EFNA5: variants seen among roughly 807,000 people sequenced by gnomAD.
EFNA5 encodes ephrin A5.
A neutral mutation model predicts 22.9 loss-of-function variants in EFNA5; 5 were observed. The observed-to-expected ratio is 0.22, with a 90% CI of 0.11 to 0.46. The LOEUF is 0.46. Ranked by LOEUF, EFNA5 falls within the 20% of genes least tolerant of loss-of-function variation. EFNA5 has a pLI of 0.99. For synonymous variants in EFNA5, 113 were observed against 112.2 expected, an observed-to-expected ratio of 1.01 and a Z score of -0.04; for missense variants, 237 against 293.3, an observed-to-expected ratio of 0.81 and a Z score of 1.40.
intron 2 of EFNA5, among the ~76,000 whole-genome samples, chr5:107,390,206 T>C (rs1176134863): frequency 6.6e-6 from 1 of 152,208 alleles, no homozygotes; most frequent in Non-Finnish European, 1.5e-5. Flanking sequence ...GTTTTCCATG[T>C]AGTAGCAAAA....
intron 1 of EFNA5, among the ~76,000 whole-genome samples, chr5:107,608,224 T>C (rs577265537): frequency 6.6e-6 from 1 of 152,308 alleles, no homozygotes; most frequent in Admixed American, 6.5e-5. Flanking sequence ...GGTGTCTTGT[T>C]TGCTGCTCAG....
intron 1 of EFNA5, among the ~76,000 whole-genome samples, chr5:107,607,062 A>G (rs932557231): frequency 4.6e-5 from 7 of 152,366 alleles, no homozygotes; most frequent in Admixed American, 4.6e-4. Context: ...AATTGAAACA[A>G]AAACATGAAT....
intron 1 of EFNA5, among the ~76,000 whole-genome samples, chr5:107,469,112 A>G (rs748729980): frequency 3.3e-5 from 5 of 152,166 alleles, no homozygotes; most frequent in Non-Finnish European, 7.3e-5. Flanking sequence ...TTGTTAAAAC[A>G]TTATTAAGAA....
chr5:107,542,418 T>C (rs1275420668), intron 1 of EFNA5, among the ~76,000 whole-genome samples: 1 of 152,142 alleles, frequency 6.6e-6, no homozygotes, highest in Non-Finnish European at 1.5e-5. Context: ...TGAAAGGATA[T>C]AGTTATTCAG....
At chr5:107,656,012 G>A (rs539600058) in intron 1 of EFNA5, among the ~76,000 whole-genome samples, 7 of 152,196 alleles carry the variant, frequency 4.6e-5, no homozygotes, top group African/African-American at 1.7e-4. Flanking sequence ...AGGATCCCAG[G>A]GACAGCCCAG....
intron 1 of EFNA5, among the ~76,000 whole-genome samples, chr5:107,499,976 G>T (rs964185676): frequency 6.6e-6 from 1 of 152,214 alleles, no homozygotes; most frequent in Non-Finnish European, 1.5e-5. Context: ...AGTGTACTGT[G>T]TGTGTTTCAA....
chr5:107,573,787 G>A (rs1375131937), intron 1 of EFNA5, among the ~76,000 whole-genome samples: 1 of 152,130 alleles, frequency 6.6e-6, no homozygotes, highest in Admixed American at 6.6e-5. Context: ...AAGAGGGGGA[G>A]AACGGAACAG....
chr5:107,593,429 C>T (rs961649422), intron 1 of EFNA5, among the ~76,000 whole-genome samples: 14 of 152,284 alleles, frequency 9.2e-5, no homozygotes, highest in African/African-American at 2.2e-4. Context: ...GCCAAGACTA[C>T]GATAGGAAAC....
At chr5:107,398,448 ATGCCAAG>A (rs1466525419) in intron 2 of EFNA5, among the ~76,000 whole-genome samples, 19 of 152,168 alleles carry the variant, frequency 1.2e-4, no homozygotes. Flanking sequence ...GGCAGGAGCC[ATGCCAAG>A]TTGTTGTGTT....
chr5:107,486,835 T>C (rs1342114267), intron 1 of EFNA5, among the ~76,000 whole-genome samples: 1 of 152,218 alleles, frequency 6.6e-6, no homozygotes, highest in Non-Finnish European at 1.5e-5. Context: ...CTGACAAATA[T>C]AGATACCAAG....
At chr5:107,637,869 C>T (rs62355657) in intron 1 of EFNA5, among the ~76,000 whole-genome samples, 14 of 138,298 alleles carry the variant, frequency 1.0e-4, no homozygotes, top group African/African-American at 1.5e-4. Flanking sequence ...TTATTTTTGA[C>T]GGAGTCTCAC....
In EFNA5 at chr5:107,379,407, T is replaced by A. The variant is rs1383309721; in HGVS notation, c.*1848A>T. On this transcript the variant is annotated 3_prime_UTR_variant, in exon 5 of 5. Transcript: ENST00000333274. ...TCCATAATGCGACCTTCTCTTTTTT[T>A]AACATATACATCTTAAAAAACAAAT... 1 of 152,164 alleles carries A rather than the reference T, an allele frequency of 6.6e-6. No homozygotes were observed. Among genetic ancestry groups the A allele is most frequent in the Non-Finnish European group, 1.5e-5 (1 of 68,032 alleles). The allele number at this position is 152,164 out of a possible 1,614,324, so 9.4% of individuals were successfully genotyped here.
chr5:107,648,897 T>C (rs1750677717), intron 1 of EFNA5, among the ~76,000 whole-genome samples: 1 of 152,178 alleles, frequency 6.6e-6, no homozygotes, highest in Non-Finnish European at 1.5e-5. Flanking sequence ...TATGTATGTA[T>C]TAGTTCCTCT....
At chr5:107,509,985 C>T (rs1747333001) in intron 1 of EFNA5, among the ~76,000 whole-genome samples, 1 of 152,188 alleles carries the variant, frequency 6.6e-6, no homozygotes, top group Admixed American at 6.5e-5. Context: ...GCAACTCCAT[C>T]TTGAATAAGG....
intron 4 of EFNA5, among the ~76,000 whole-genome samples, chr5:107,382,089 A>C (rs1364252474): frequency 6.6e-6 from 1 of 152,206 alleles, no homozygotes. Context: ...TTGGCACATA[A>C]ATTATCAGCG....
At chr5:107,598,575 C>G (rs1017622612) in intron 1 of EFNA5, among the ~76,000 whole-genome samples, 6 of 152,168 alleles carry the variant, frequency 3.9e-5, no homozygotes, top group African/African-American at 1.4e-4. Context: ...AGTTTATAAT[C>G]TTTCCTTTGG....
rs1191541710 is a variant in EFNA5 at position 107,427,514 on chromosome 5, T to A, written c.126-5A>T. 5 of 1,569,536 alleles carry A rather than the reference T, an allele frequency of 3.2e-6. No individual in the cohort carries two copies. Among genetic ancestry groups the A allele is most frequent in the Admixed American group, 3.9e-5 (2 of 50,872 alleles). On this transcript the variant is annotated splice_region_variant and splice_polypyrimidine_tract_variant and intron_variant, in intron 1 of 4. Transcript: ENST00000333274. ...TGGTAGTCACCCCTCTGGAATCTGT[T>A]AGAAAAAGAAAAAAAAATGTGATAA...
At chr5:107,496,278 G>C (rs1746979762) in intron 1 of EFNA5, among the ~76,000 whole-genome samples, 1 of 142,640 alleles carries the variant, frequency 7.0e-6, no homozygotes, top group Non-Finnish European at 1.5e-5. Flanking sequence ...AGAGGTTGCA[G>C]TGAGCCAAGA....
At chr5:107,661,200 T>C (rs972573793) in intron 1 of EFNA5, among the ~76,000 whole-genome samples, 1 of 151,750 alleles carries the variant, frequency 6.6e-6, no homozygotes, top group East Asian at 1.9e-4. Flanking sequence ...AGCAGAACCA[T>C]ACATCTGAGC....
Sources: allele counts gnomAD v4.1 joint callset (sites outside exome capture counted in the v4.1 genomes callset), GRCh38; gene constraint gnomAD v4.1.1; transcripts MANE v1.5; gene names NCBI Gene and HGNC (gene_info 2026-07-23, HGNC 2026-07-21).